Variants in CNOT6 observed in about 807,000 individuals in gnomAD.
CNOT6 encodes carbon catabolite repression 4 protein.
CNOT6 carries 12 observed loss-of-function variants against 61.2 expected under a neutral mutation model. The ratio of observed to expected loss-of-function variants is 0.20; its 90% CI spans 0.13 to 0.32. The LOEUF (loss-of-function observed/expected upper bound fraction) is 0.32. CNOT6 is among the 10% of genes least tolerant of loss of function. The pLI, the probability that CNOT6 is intolerant of heterozygous loss-of-function variation, is 1.00. For missense variants in CNOT6, 405 were observed against 663.9 expected, an observed-to-expected ratio of 0.61 and a Z score of 4.28; for synonymous variants, 225 against 240.6, an observed-to-expected ratio of 0.94 and a Z score of 0.60.
At chr5:180,546,178 G>A (rs1759304899) in intron 2 of CNOT6, among the ~76,000 whole-genome samples, 2 of 152,114 alleles carry the variant, frequency 1.3e-5, no homozygotes, top group African/African-American at 4.8e-5. Context: ...ACAGGCATGA[G>A]CCACCGCACC....
rs956797369 is a variant in CNOT6, at chr5:180,550,112, A to G, written c.294A>G (p.Ser98=). 6 of 1,613,424 alleles carry G rather than the reference A, an allele frequency of 3.7e-6. No individual in the cohort carries two copies. The highest frequency in any genetic ancestry group is 1.6e-4 in the Middle Eastern group (1 of 6,082). The change falls in exon 3 of 12, where the codon TCA becomes TCG. Residue 98 remains serine, a synonymous_variant. Coordinates refer to ENST00000261951, the MANE Select transcript of CNOT6 (RefSeq NM_001370472.1). The stretch of plus-strand genomic sequence containing the variant: ...CCGCAGAACTCGGAAACATGGTATC[A>G]CTCAGGTATGCAGATTCAACTTAAT... ...SLPAELGNMV[S]LRELHLNNNL...
At chr5:180,514,775 T>C (rs1757556863) in intron 1 of CNOT6, among the ~76,000 whole-genome samples, 2 of 152,206 alleles carry the variant, frequency 1.3e-5, no homozygotes, top group Non-Finnish European at 2.9e-5. Flanking sequence ...GTTGAATAAA[T>C]GATTCTGTAA....
intron 1 of CNOT6, among the ~76,000 whole-genome samples, chr5:180,503,715 C>G (rs913429334): frequency 6.8e-6 from 1 of 147,704 alleles, no homozygotes; most frequent in Non-Finnish European, 1.5e-5. Context: ...AAGCGATTCC[C>G]TTGCCTCAGC....
intron 1 of CNOT6, among the ~76,000 whole-genome samples, chr5:180,526,249 C>T (rs1055250535): frequency 5.3e-5 from 8 of 151,980 alleles, no homozygotes; most frequent in Admixed American, 2.0e-4. Flanking sequence ...GTAGCTGGAG[C>T]GAGAAATGAA....
chr5:180,544,077 C>T (rs914980756), intron 2 of CNOT6, among the ~76,000 whole-genome samples: 3 of 152,222 alleles, frequency 2.0e-5, no homozygotes, highest in African/African-American at 7.2e-5. Context: ...TCCCAAAGTG[C>T]TGGGATTACA....
At chr5:180,527,317 A>AT (rs1210017619) in intron 1 of CNOT6, among the ~76,000 whole-genome samples, 7 of 151,990 alleles carry the variant, frequency 4.6e-5, no homozygotes, top group African/African-American at 1.5e-4. Flanking sequence ...CATATGTTTC[A>AT]TTTTACTCCT....
At chr5:180,511,837 G>A (rs1237870053) in intron 1 of CNOT6, among the ~76,000 whole-genome samples, 3 of 151,872 alleles carry the variant, frequency 2.0e-5, no homozygotes, top group African/African-American at 4.8e-5. Context: ...GCCCAGGCTG[G>A]CCTTGAACTC....
intron 1 of CNOT6, among the ~76,000 whole-genome samples, chr5:180,514,250 C>T (rs183247446): frequency 5.7e-4 from 87 of 152,108 alleles, no homozygotes; most frequent in Non-Finnish European, 1.0e-3. Context: ...GGTGAAACCC[C>T]GTCTCTACTA....
intron 1 of CNOT6, among the ~76,000 whole-genome samples, chr5:180,526,876 C>T (rs999739564): frequency 1.4e-5 from 2 of 143,826 alleles, no homozygotes; most frequent in Non-Finnish European, 1.5e-5. Context: ...CACATACAAC[C>T]GTAAAACTTT....
intron 4 of CNOT6, among the ~76,000 whole-genome samples, chr5:180,561,764 G>A (rs1021396563): frequency 3.3e-5 from 5 of 152,140 alleles, no homozygotes; most frequent in African/African-American, 7.2e-5. Flanking sequence ...GGCTCTTCAC[G>A]CGGCCTCCAC....
intron 2 of CNOT6, among the ~76,000 whole-genome samples, chr5:180,538,686 G>GTATATATATATATATATATATA (rs59342527): frequency 8.1e-4 from 69 of 85,066 alleles, no homozygotes; most frequent in East Asian, 2.6e-3. Flanking sequence ...TGAGAAAAAG[G>GTATATATATATATATATATATA]TATATATATA....
Position 180,496,377 on chromosome 5 carries a change from TGAG to T in CNOT6, c.-3+1619_-3+1621del, listed in dbSNP as rs1458734473. On this transcript the variant is annotated intron_variant, in intron 1 of 11. Coordinates refer to ENST00000261951, the MANE Select transcript of CNOT6 (RefSeq NM_001370472.1). ...AGGTGACTTGCCCATGGTACTGTAA[TGAG>T]GAGGGAAAGGACCGGGTTTGTGTGC... 5.9e-5 allele frequency among the ~76,000 whole-genome samples: 9 copies of T among 152,120 alleles called. No individual in the cohort carries two copies. The South Asian group carries it at 6.2e-4, about 11-fold the overall frequency.
chr5:180,559,979 C>T (rs537695939), intron 4 of CNOT6, among the ~76,000 whole-genome samples: 28 of 148,764 alleles, frequency 1.9e-4, no homozygotes, highest in Admixed American at 1.0e-3. Flanking sequence ...GACAGAGTCT[C>T]GCTCTGTTGC....
intron 11 of CNOT6, among the ~76,000 whole-genome samples, chr5:180,573,069 T>G (rs1419932882): frequency 6.6e-6 from 1 of 152,220 alleles, no homozygotes; most frequent in Non-Finnish European, 1.5e-5. Flanking sequence ...TTTCAGGTTC[T>G]TCAGGAGACA....
chr5:180,554,725 G>T (rs1759794713), intron 4 of CNOT6, among the ~76,000 whole-genome samples: 1 of 152,076 alleles, frequency 6.6e-6, no homozygotes, highest in Non-Finnish European at 1.5e-5. Context: ...TTGAAGAACA[G>T]AAAAGTACTG....
chr5:180,520,948 A>T (rs2127713167), intron 1 of CNOT6, among the ~76,000 whole-genome samples: 1 of 151,494 alleles, frequency 6.6e-6, no homozygotes, highest in African/African-American at 2.4e-5. Context: ...GAGTTCAAGC[A>T]ATTCTCCTGC....
At chr5:180,535,180 G>C (rs13168976) in intron 2 of CNOT6, among the ~76,000 whole-genome samples, 70,426 of 151,204 alleles carry the variant, frequency 0.47, 17,499 homozygotes, top group Non-Finnish European at 0.56. Context: ...GGAAGGGGGC[G>C]TCTGGGGCAG....
rs764158508 is a variant in CNOT6 at position 180,569,211 on chromosome 5, A to G, written c.1129A>G (p.Met377Val). 6.2e-7 allele frequency: 1 copy of G among 1,614,046 alleles called. No homozygotes were observed. Among genetic ancestry groups the G allele is most frequent in the Non-Finnish European group, 8.5e-7 (1 of 1,179,966 alleles). ...EYSDVKLVQT[M>V]MFLSEVKNII... ...CTCTGATGTGAAGTTGGTACAAACTATGATGTTCCTCTCAGAAGTGAAGAA... is the reference window on the plus strand; with the variant it reads ...CTCTGATGTGAAGTTGGTACAAACTGTGATGTTCCTCTCAGAAGTGAAGAA... The change falls in exon 10 of 12, where the codon ATG becomes GTG. Residue 377 changes from methionine (M) to valine (V), a missense_variant. Transcript: ENST00000261951.
chr5:180,536,484 TATC>T (rs1156687270), intron 2 of CNOT6, among the ~76,000 whole-genome samples: 1 of 151,936 alleles, frequency 6.6e-6, no homozygotes, highest in Non-Finnish European at 1.5e-5. Flanking sequence ...TGAGATAAGA[TATC>T]ATTGTTCTGT....
Sources: gnomAD v4.1 joint callset for allele counts (sites outside exome capture counted in the v4.1 genomes callset) on GRCh38, gnomAD v4.1.1 for gene constraint, MANE v1.5 for transcripts, NCBI Gene and HGNC (gene_info 2026-07-23, HGNC 2026-07-21) for gene names.